The following GMDS variants were observed in gnomAD, a reference collection of about 807,000 sequenced individuals.
The protein encoded by GMDS is GDP-mannose 4,6-dehydratase, also known as GDP-mannose 4,6 dehydratase.
In GMDS, 20 loss-of-function variants were observed where a neutral mutation model predicts 49.9. The ratio of observed to expected loss-of-function variants is 0.40; its 90% CI spans 0.28 to 0.58. GMDS has a LOEUF of 0.58. Among genes scored for constraint, GMDS ranks in the 20% least tolerant of loss-of-function variants. The pLI, the probability that GMDS is intolerant of heterozygous loss-of-function variation, is 0.42. For synonymous variants in GMDS, 177 were observed against 178.6 expected (o/e 0.99, Z 0.07); for missense variants, 362 against 481.4 (o/e 0.75, Z 2.32).
chr6:2,062,518 C>G (rs1049943085), intron 4 of GMDS, among the ~76,000 whole-genome samples: 1 of 151,450 alleles, frequency 6.6e-6, no homozygotes, highest in African/African-American at 2.4e-5. Context: ...TATTGTCACT[C>G]TGCAATAAAA....
At chr6:1,825,892 T>C (rs548323051) in intron 7 of GMDS, among the ~76,000 whole-genome samples, 1 of 152,156 alleles carries the variant, frequency 6.6e-6, no homozygotes, top group Non-Finnish European at 1.5e-5. Context: ...GGCATGCACA[T>C]GTAATCCCAG....
chr6:1,941,339 G>T (rs1280372053), intron 6 of GMDS, among the ~76,000 whole-genome samples: 2 of 151,876 alleles, frequency 1.3e-5, no homozygotes, highest in Non-Finnish European at 2.9e-5. Flanking sequence ...AAACATAAAT[G>T]GTCAGAGAAC....
At chr6:2,077,189 G>C (rs944234113) in intron 4 of GMDS, among the ~76,000 whole-genome samples, 4 of 152,006 alleles carry the variant, frequency 2.6e-5, no homozygotes, top group Admixed American at 2.0e-4. Flanking sequence ...AGAGTTTTTT[G>C]TGGTAGTCTT....
At chr6:1,845,473 C>T (rs546572617) in intron 7 of GMDS, among the ~76,000 whole-genome samples, 2 of 152,306 alleles carry the variant, frequency 1.3e-5, no homozygotes, top group East Asian at 1.9e-4. Flanking sequence ...TATTAGCCAA[C>T]CACTTCACGG....
At chr6:1,921,011 A>G (rs1761690706) in intron 7 of GMDS, among the ~76,000 whole-genome samples, 1 of 152,224 alleles carries the variant, frequency 6.6e-6, no homozygotes, top group African/African-American at 2.4e-5. Context: ...CACATCAATG[A>G]GCGTGACTAA....
At chr6:1,767,396 GA>G (rs147395963) in intron 7 of GMDS, among the ~76,000 whole-genome samples, 1 of 152,044 alleles carries the variant, frequency 6.6e-6, no homozygotes, top group African/African-American at 2.4e-5. Flanking sequence ...GGGTTAAAAG[GA>G]AAAAAAGATG....
intron 9 of GMDS, among the ~76,000 whole-genome samples, chr6:1,703,470 A>G (rs9391927): frequency 2.9e-4 from 44 of 151,896 alleles, no homozygotes; most frequent in African/African-American, 1.0e-3. Context: ...TGCATTCAAA[A>G]GAAAAAAAAA....
chr6:2,184,600 G>T (rs905634178), intron 1 of GMDS, among the ~76,000 whole-genome samples: 1 of 152,186 alleles, frequency 6.6e-6, no homozygotes, highest in Non-Finnish European at 1.5e-5. Flanking sequence ...ATCATTCCCT[G>T]TCACTCTCTA....
chr6:1,652,256 C>A (rs566983483), intron 9 of GMDS, among the ~76,000 whole-genome samples: 5 of 142,280 alleles, frequency 3.5e-5, no homozygotes, highest in African/African-American at 1.3e-4. Context: ...CCTGTAATCC[C>A]AGCTACTTGG....
rs1007267470 is a variant in GMDS at position 2,068,156 on chromosome 6, G to T, written c.345+47615C>A. 1.8e-4 allele frequency among the ~76,000 whole-genome samples: 28 copies of T among 151,690 alleles called. No homozygotes were observed. In the South Asian group the frequency reaches 5.5e-3, roughly 30 times the overall value. On this transcript the variant is annotated intron_variant, in intron 4 of 10. Transcript: ENST00000380815. ...AATCCAGCATATAAACAGAACCAAAGACAAAAACCACATGATTATCTCAAT... is the reference window on the plus strand; with the variant it reads ...AATCCAGCATATAAACAGAACCAAATACAAAAACCACATGATTATCTCAAT...
At chr6:1,642,378 AG>A (rs1763357364) in intron 9 of GMDS, among the ~76,000 whole-genome samples, 1 of 152,036 alleles carries the variant, frequency 6.6e-6, no homozygotes, top group Non-Finnish European at 1.5e-5. Flanking sequence ...CATGTTGGTC[AG>A]GCTAGTCTCA....
chr6:1,685,113 G>C (rs1476071195), intron 9 of GMDS, among the ~76,000 whole-genome samples: 1 of 152,012 alleles, frequency 6.6e-6, no homozygotes, highest in Admixed American at 6.6e-5. Flanking sequence ...AGTAATAGAG[G>C]AGGCTGAGTG....
At chr6:1,801,531 A>G (rs939588997) in intron 7 of GMDS, among the ~76,000 whole-genome samples, 2 of 152,234 alleles carry the variant, frequency 1.3e-5, no homozygotes, top group African/African-American at 2.4e-5. Context: ...AACATTTTCC[A>G]TGCAAAACCC....
chr6:2,015,399 C>T (rs1767827530), intron 4 of GMDS, among the ~76,000 whole-genome samples: 1 of 152,060 alleles, frequency 6.6e-6, no homozygotes, highest in Admixed American at 6.6e-5. Context: ...AAATAGCATA[C>T]TTTCAAATAA....
intron 6 of GMDS, among the ~76,000 whole-genome samples, chr6:1,940,616 C>T (rs1290785002): frequency 6.6e-6 from 1 of 152,156 alleles, no homozygotes; most frequent in Non-Finnish European, 1.5e-5. Flanking sequence ...ACTGCAGGTA[C>T]TCAAAATCCA....
intron 1 of GMDS, among the ~76,000 whole-genome samples, chr6:2,221,545 C>T (rs991122071): frequency 2.0e-4 from 31 of 152,094 alleles, no homozygotes; most frequent in Admixed American, 1.2e-3. Flanking sequence ...CCCGCCACCA[C>T]GACCGGCTAA....
chr6:2,027,316 CA>C (rs1443820495), intron 4 of GMDS, among the ~76,000 whole-genome samples: 21 of 152,194 alleles, frequency 1.4e-4, no homozygotes, highest in Admixed American at 1.2e-3. Context: ...AGAAAAAAGG[CA>C]GCCAGATATA....
At chr6:1,860,749 G>A (rs2113784311) in intron 7 of GMDS, among the ~76,000 whole-genome samples, 1 of 152,252 alleles carries the variant, frequency 6.6e-6, no homozygotes, top group East Asian at 1.9e-4. Context: ...CCACAGGTTT[G>A]GGTTGTAGGA....
chr6:2,051,418 C>T (rs1490330954), intron 4 of GMDS, among the ~76,000 whole-genome samples: 1 of 152,156 alleles, frequency 6.6e-6, no homozygotes, highest in Non-Finnish European at 1.5e-5. Flanking sequence ...TATAATTTTT[C>T]ATCTTTATTT....
Sources: allele counts gnomAD v4.1 joint callset (sites outside exome capture counted in the v4.1 genomes callset), GRCh38; gene constraint gnomAD v4.1.1; transcripts MANE v1.5; gene names NCBI Gene and HGNC (gene_info 2026-07-23, HGNC 2026-07-21).